SRPK2: variants seen among roughly 807,000 people sequenced by gnomAD.
SRPK2 encodes the protein SRSF protein kinase 2.
A neutral mutation model predicts 90.8 loss-of-function variants in SRPK2; 21 were observed. The ratio of observed to expected loss-of-function variants is 0.23; its 90% CI spans 0.16 to 0.33. The LOEUF (loss-of-function observed/expected upper bound fraction) is 0.33. Ranked by LOEUF, SRPK2 falls within the 10% of genes least tolerant of loss-of-function variation. The probability of loss-of-function intolerance (pLI) is 1.00; values close to 1 mark genes in which losing one functional copy is unlikely to be tolerated. For missense variants in SRPK2, 620 were observed against 869.0 expected (o/e 0.71, Z 3.60); for synonymous variants, 288 against 311.1 (o/e 0.93, Z 0.78).
At chr7:105,227,418 G>GCAAAA (rs1218697574) in intron 2 of SRPK2, among the ~76,000 whole-genome samples, 1 of 152,070 alleles carries the variant, frequency 6.6e-6, no homozygotes, top group Non-Finnish European at 1.5e-5. Context: ...AAAAAGCAAA[G>GCAAAA]GATCTGAATA....
upstream of SRPK2, chr7:105,389,012 C>G (rs1327333443): frequency 4.0e-6 from 4 of 991,352 alleles, no homozygotes; most frequent in Non-Finnish European, 4.8e-6. Flanking sequence ...CCCGCCGGCC[C>G]CGGGGGTCGG....
intron 2 of SRPK2, among the ~76,000 whole-genome samples, chr7:105,207,862 C>T (rs1452880385): frequency 6.6e-6 from 1 of 152,106 alleles, no homozygotes; most frequent in Non-Finnish European, 1.5e-5. Context: ...TTAAAGGCCA[C>T]AGAATGGGGG....
chr7:105,221,584 A>T (rs1372596075), intron 2 of SRPK2, among the ~76,000 whole-genome samples: 2 of 152,160 alleles, frequency 1.3e-5, no homozygotes, highest in African/African-American at 4.8e-5. Context: ...ATCACGGAGC[A>T]TTCTGTCACT....
intron 15 of SRPK2, 137 bp from the exon 16 acceptor site, chr7:105,118,159 T>C: frequency 1.3e-6 from 1 of 772,906 alleles, no homozygotes. Flanking sequence ...GAACACCAGC[T>C]TTTCCCCACT....
chr7:105,160,306 C>T (rs1413060770), intron 7 of SRPK2: 8 of 375,978 alleles, frequency 2.1e-5, no homozygotes, highest in Non-Finnish European at 3.8e-5. Context: ...ATGTTGTTCC[C>T]TTCACAACAC....
intron 2 of SRPK2, among the ~76,000 whole-genome samples, chr7:105,282,270 C>A (rs904413484): frequency 6.6e-6 from 1 of 152,086 alleles, no homozygotes; most frequent in Admixed American, 6.6e-5. Flanking sequence ...TATTCACATG[C>A]AGGAGAATGA....
At chr7:105,138,016 C>T (rs187738676) in intron 11 of SRPK2, among the ~76,000 whole-genome samples, 1 of 152,114 alleles carries the variant, frequency 6.6e-6, no homozygotes, top group Non-Finnish European at 1.5e-5. Context: ...AGATCCTGTC[C>T]CTGGTACATC....
chr7:105,319,711 C>G (rs1019146074), intron 2 of SRPK2, among the ~76,000 whole-genome samples: 3 of 152,100 alleles, frequency 2.0e-5, no homozygotes. Flanking sequence ...GTAAATACAG[C>G]TGAGTCCTGG....
chr7:105,365,902 C>CTGGA (rs919561238), intron 2 of SRPK2, among the ~76,000 whole-genome samples: 1 of 151,494 alleles, frequency 6.6e-6, no homozygotes, highest in Non-Finnish European at 1.5e-5. Context: ...TGTTGACAGG[C>CTGGA]TGGAGTGCAT....
rs191382320 is a variant in SRPK2, at chr7:105,275,478, C to T, written c.72-71693G>A. 2.5e-3 allele frequency among the ~76,000 whole-genome samples: 388 copies of T among 152,256 alleles called. 1 individual carries two copies. The highest frequency in any genetic ancestry group is 7.0e-3 in the Admixed American group (107 of 15,296). On this transcript the variant is annotated intron_variant, in intron 2 of 15. Coordinates refer to ENST00000393651, the MANE Select transcript of SRPK2 (RefSeq NM_182692.3). Reference sequence around the variant, plus strand: ...TCCAACCTACAGATCTTCCTCATAACTCTTTTATTCTTGTTTTTACTCACA... The same window carrying T: ...TCCAACCTACAGATCTTCCTCATAATTCTTTTATTCTTGTTTTTACTCACA...
Position 105,225,002 on chromosome 7 carries a change from T to C in SRPK2, c.72-21217A>G, listed in dbSNP as rs188289090. ...GAGCTTTCATTAATCAGGTTAATAATAGTTAAATTTACCTAGAAGACTGCC... is the reference window on the plus strand; with the variant it reads ...GAGCTTTCATTAATCAGGTTAATAACAGTTAAATTTACCTAGAAGACTGCC... On this transcript the variant is annotated intron_variant, in intron 2 of 15. Transcript: ENST00000393651. Among the ~76,000 whole-genome samples, 19 of 152,264 alleles carry C rather than the reference T, an allele frequency of 1.2e-4. No homozygotes were observed. The East Asian group carries it at 2.9e-3, about 23-fold the overall frequency.
intron 2 of SRPK2, among the ~76,000 whole-genome samples, chr7:105,338,621 C>G (rs748602595): frequency 6.6e-6 from 1 of 152,164 alleles, no homozygotes; most frequent in African/African-American, 2.4e-5. Context: ...ACCTTAAAGG[C>G]TAGTATTCTG....
intron 2 of SRPK2, among the ~76,000 whole-genome samples, chr7:105,377,689 G>A (rs1421854383): frequency 1.3e-5 from 2 of 152,016 alleles, no homozygotes; most frequent in Non-Finnish European, 2.9e-5. Context: ...AACAGAGCAA[G>A]ACCCCGTATC....
chr7:105,306,640 T>A (rs1020927414), intron 2 of SRPK2: 1 of 374,566 alleles, frequency 2.7e-6, no homozygotes, highest in African/African-American at 2.1e-5. Context: ...GTTGGCAAGA[T>A]GCCACCTTCA....
chr7:105,291,816 A>T (rs1809066393), intron 2 of SRPK2, among the ~76,000 whole-genome samples: 1 of 152,184 alleles, frequency 6.6e-6, no homozygotes, highest in South Asian at 2.1e-4. Context: ...AATTAACAGC[A>T]TGAATATAAA....
chr7:105,368,189 T>TA (rs1330412305), intron 2 of SRPK2, among the ~76,000 whole-genome samples: 1 of 152,082 alleles, frequency 6.6e-6, no homozygotes, highest in African/African-American at 2.4e-5. Flanking sequence ...AAAAATAAAA[T>TA]AAAAAAAGTT....
intron 7 of SRPK2, among the ~76,000 whole-genome samples, chr7:105,149,958 C>T (rs563631590): frequency 1.3e-5 from 2 of 152,184 alleles, no homozygotes; most frequent in African/African-American, 4.8e-5. Flanking sequence ...TATATAAAAG[C>T]TCCCAGGCTT....
chr7:105,313,132 G>A (rs1190564665), intron 2 of SRPK2, among the ~76,000 whole-genome samples: 1 of 151,912 alleles, frequency 6.6e-6, no homozygotes, highest in East Asian at 1.9e-4. Context: ...ACTTACTTTT[G>A]TCAAAAGGTA....
At chr7:105,206,240 T>C (rs116550287) in intron 2 of SRPK2, among the ~76,000 whole-genome samples, 4,563 of 151,602 alleles carry the variant, frequency 0.03, 235 homozygotes, top group African/African-American at 0.1. Flanking sequence ...GTCATGCCCA[T>C]TGAGAACCAG....
Sources: gnomAD v4.1 joint callset for allele counts (sites outside exome capture counted in the v4.1 genomes callset) on GRCh38, gnomAD v4.1.1 for gene constraint, MANE v1.5 for transcripts, NCBI Gene and HGNC (gene_info 2026-07-23, HGNC 2026-07-21) for gene names.